Variants in PCDHA1 observed in about 807,000 individuals in gnomAD.
PCDHA1 encodes protocadherin alpha-1.
A neutral mutation model predicts 61.3 loss-of-function variants in PCDHA1; 42 were observed. The observed-to-expected ratio is 0.69, with a 90% CI of 0.54 to 0.89. The LOEUF is 0.89. Among genes scored for constraint, PCDHA1 ranks in the 40% least tolerant of loss-of-function variants. The pLI, the probability that PCDHA1 is intolerant of heterozygous loss-of-function variation, is 0.00. For synonymous variants in PCDHA1, 610 were observed against 553.8 expected (o/e 1.10, Z -1.43); for missense variants, 1,256 against 1,235.3 (o/e 1.02, Z -0.25).
At position 140,846,335 on chromosome 5, in the gene PCDHA1, T is replaced by C. The variant is rs2150387066; in HGVS notation, c.2394+57651T>C. On this transcript the variant is annotated intron_variant, in intron 1 of 3. Transcript: ENST00000504120. The stretch of plus-strand genomic sequence containing the variant: ...ATGTAGAGTGTTGTAAATAGCCTTT[T>C]AAAGTGCTTTCTCTTTTTTCTTTTC... Among the ~76,000 whole-genome samples, 8 of 148,836 alleles carry C rather than the reference T, an allele frequency of 5.4e-5. 1 individual carries two copies. Among genetic ancestry groups the C allele is most frequent in the African/African-American group, 2.0e-4 (8 of 40,850 alleles).
At chr5:140,972,798 A>G (rs782291338) in intron 1 of PCDHA1, among the ~76,000 whole-genome samples, 6 of 151,178 alleles carry the variant, frequency 4.0e-5, no homozygotes, top group Admixed American at 2.6e-4. Flanking sequence ...TGAGTAGCTG[A>G]GATTACAGGC....
chr5:140,907,641 C>T (rs2073511625), intron 1 of PCDHA1, among the ~76,000 whole-genome samples: 1 of 152,212 alleles, frequency 6.6e-6, no homozygotes, highest in Non-Finnish European at 1.5e-5. Context: ...CTGCTGCTGG[C>T]AAATTGGGCA....
Position 140,876,851 on chromosome 5 carries a change from A to G in PCDHA1, c.2394+88167A>G, listed in dbSNP as rs1554169034. ...GCGCCTGCGTTCGCGCAGCCCGAGT[A>G]CACAGTGTTCGTGAAGGAGAACAAC... On this transcript the variant is annotated intron_variant, in intron 1 of 3. Coordinates refer to ENST00000504120, the MANE Select transcript of PCDHA1 (RefSeq NM_018900.4). The G allele has an allele frequency of 5.0e-6, 8 of 1,613,986 alleles. No individual in the cohort carries two copies. In the Admixed American group the frequency reaches 1.3e-4, roughly 27 times the overall value.
chr5:141,009,880 C>T lies in PCDHA1; in HGVS notation c.2796C>T (p.Asn932=). ...AAAAGAAGAAAAAGAAGAAGGGTAACAAGACCCAGGAGAAAAAAGAGAAAG... is the reference window on the plus strand; with the variant it reads ...AAAAGAAGAAAAAGAAGAAGGGTAATAAGACCCAGGAGAAAAAAGAGAAAG... The part of the protein sequence containing the change: ...TKKKKKKKKG[N]KTQEKKEKGN... Residue 932 remains asparagine, a synonymous_variant, in exon 4 of 4, where the codon AAC becomes AAT. Transcript: ENST00000504120. 1 of 1,613,788 alleles carries T rather than the reference C, an allele frequency of 6.2e-7. No individual in the cohort carries two copies. The highest frequency in any genetic ancestry group is 8.5e-7 in the Non-Finnish European group (1 of 1,179,974).
intron 1 of PCDHA1, among the ~76,000 whole-genome samples, chr5:140,839,735 C>G (rs2093051778): frequency 6.6e-6 from 1 of 151,912 alleles, no homozygotes; most frequent in Admixed American, 6.6e-5. Context: ...ACAGAAAATA[C>G]CCTTATTTGC....
At chr5:140,867,411 AT>A (rs2049946393) in intron 1 of PCDHA1, 2 of 152,130 alleles carry the variant, frequency 1.3e-5, no homozygotes, top group South Asian at 2.1e-4. Context: ...GTCTCCTTTA[AT>A]TTTTTAATAC....
intron 3 of PCDHA1, among the ~76,000 whole-genome samples, chr5:140,984,986 G>A (rs553872050): frequency 6.6e-6 from 1 of 152,080 alleles, no homozygotes; most frequent in African/African-American, 2.4e-5. Context: ...CCCCCAGGCT[G>A]GAGTCCAGTG....
chr5:140,976,982 T>G (rs1348911349), intron 1 of PCDHA1, among the ~76,000 whole-genome samples: 1 of 152,240 alleles, frequency 6.6e-6, no homozygotes, highest in African/African-American at 2.4e-5. Flanking sequence ...CTGCCTGATC[T>G]TACTGCCATA....
chr5:140,789,488 A>C lies in PCDHA1; in HGVS notation c.2394+804A>C, dbSNP rs782223780. Among the ~76,000 whole-genome samples, 36 of 152,078 alleles carry C rather than the reference A, an allele frequency of 2.4e-4. 1 individual carries two copies. Among genetic ancestry groups the C allele is most frequent in the African/African-American group, 4.8e-4 (20 of 41,380 alleles). On this transcript the variant is annotated intron_variant, in intron 1 of 3. Transcript: ENST00000504120. ...AAACAAACCAAAACCGACCAACCAAACAAACAAAAAACACCATTTATTGGG... is the reference window on the plus strand; with the variant it reads ...AAACAAACCAAAACCGACCAACCAACCAAACAAAAAACACCATTTATTGGG...
intron 1 of PCDHA1, chr5:140,822,260 G>A: frequency 6.2e-7 from 1 of 1,614,220 alleles, no homozygotes; most frequent in Non-Finnish European, 8.5e-7. Context: ...TTGGATATTG[G>A]AGCAAATGCA....
Position 140,786,388 on chromosome 5 carries a change from A to G in PCDHA1, c.98A>G (p.Tyr33Cys), listed in dbSNP as rs782781600. The G allele has an allele frequency of 4.3e-6, 7 of 1,613,566 alleles. No homozygotes were observed. The highest frequency in any genetic ancestry group is 5.9e-6 in the Non-Finnish European group (7 of 1,180,010). The change falls in exon 1 of 4, where the codon TAC becomes TGC. Residue 33 changes from tyrosine to cysteine, a missense_variant. By Grantham distance (194) the Tyr-to-Cys change is radical. Transcript: ENST00000504120. ...GAGGTGGGGAGCGGCCAGCTCCACT[A>G]CTCGATCCCGGAGGAAGCCAAACAC... is the stretch of plus-strand genomic sequence containing the variant. ...AWEVGSGQLH[Y>C]SIPEEAKHGT...
At chr5:140,860,243 C>G (rs189216184) in intron 1 of PCDHA1, 1 of 151,206 alleles carries the variant, frequency 6.6e-6, no homozygotes, top group Non-Finnish European at 1.5e-5. Context: ...CATGGTGGTA[C>G]ATGCCTTTAG....
rs34281383 is a variant in PCDHA1 at position 140,802,259 on chromosome 5, A to G, written c.2394+13575A>G. 5.1e-3 allele frequency: 8,304 copies of G among 1,614,188 alleles called. 396 individuals carry two copies. The African/African-American group carries it at 0.096, about 19-fold the overall frequency. On this transcript the variant is annotated intron_variant, in intron 1 of 3. Coordinates refer to ENST00000504120, the MANE Select transcript of PCDHA1 (RefSeq NM_018900.4). Reference sequence around the variant, plus strand: ...ATGTACCTGAGTTAGTTATTCAATCACTATCTTTACCTGTATTAGAAGACT... The same window carrying G: ...ATGTACCTGAGTTAGTTATTCAATCGCTATCTTTACCTGTATTAGAAGACT...
intron 1 of PCDHA1, among the ~76,000 whole-genome samples, chr5:140,838,786 G>C (rs1554137197): frequency 6.6e-6 from 1 of 151,962 alleles, no homozygotes; most frequent in African/African-American, 2.4e-5. Context: ...GCTATGCATG[G>C]TGATGCATGT....
chr5:140,870,179 G>A, intron 1 of PCDHA1: 1 of 1,614,104 alleles, frequency 6.2e-7, no homozygotes, highest in South Asian at 1.1e-5. Context: ...CTCCCAGTAC[G>A]AGAGGACGCT....
intron 1 of PCDHA1, chr5:140,856,066 C>A: frequency 6.3e-7 from 1 of 1,589,756 alleles, no homozygotes; most frequent in Non-Finnish European, 8.6e-7. Flanking sequence ...CCAGATGTAG[C>A]TGCCTGGGGG....
Position 140,883,458 on chromosome 5 carries a change from T to G in PCDHA1, c.2394+94774T>G, listed in dbSNP as rs1315500498. ...TTGACGCCGCATGTCCCCTTCAAGC[T>G]GGTGTCCACCTACAAGAACTACTAC... On this transcript the variant is annotated intron_variant, in intron 1 of 3. Coordinates refer to ENST00000504120, the MANE Select transcript of PCDHA1 (RefSeq NM_018900.4). 13 of 1,614,058 alleles carry G rather than the reference T, an allele frequency of 8.1e-6. No individual in the cohort carries two copies. Among genetic ancestry groups the G allele is most frequent in the Non-Finnish European group, 1.1e-5 (13 of 1,180,042 alleles).
intron 1 of PCDHA1, chr5:140,827,919 C>T (rs1769452946): frequency 1.1e-6 from 1 of 923,004 alleles, no homozygotes; most frequent in Non-Finnish European, 1.6e-6. Flanking sequence ...ATGTCGCTGT[C>T]TACCATGAAG....
intron 1 of PCDHA1, chr5:140,968,000 C>T: frequency 1.2e-6 from 2 of 1,614,234 alleles, no homozygotes; most frequent in Non-Finnish European, 8.5e-7. Context: ...GCCTTTCCGA[C>T]TGAATGGCTT....
Sources: gnomAD v4.1 joint callset for allele counts (sites outside exome capture counted in the v4.1 genomes callset) on GRCh38, gnomAD v4.1.1 for gene constraint, MANE v1.5 for transcripts, NCBI Gene and HGNC (gene_info 2026-07-23, HGNC 2026-07-21) for gene names.